SLC22A24: variants seen among roughly 807,000 people sequenced by gnomAD.
SLC22A24 encodes solute carrier family 22 member 24, also known as steroid transmembrane transporter SLC22A24.
A neutral mutation model predicts 49.8 loss-of-function variants in SLC22A24; 53 were observed. That is an observed-to-expected ratio of 1.06 (90% CI 0.85 to 1.34). SLC22A24 has a LOEUF of 1.34. Among genes scored for constraint, SLC22A24 ranks in the 40% most tolerant of loss-of-function variants. The probability of loss-of-function intolerance (pLI) is 0.00; values close to 1 mark genes in which losing one functional copy is unlikely to be tolerated. For synonymous variants in SLC22A24, 302 were observed against 256.4 expected, an observed-to-expected ratio of 1.18 and a Z score of -1.70; for missense variants, 786 against 675.9, an observed-to-expected ratio of 1.16 and a Z score of -1.81.
chr11:63,108,018 C>G (rs1178653218), intron 4 of SLC22A24, among the ~76,000 whole-genome samples: 1 of 152,052 alleles, frequency 6.6e-6, no homozygotes, highest in Non-Finnish European at 1.5e-5. Context: ...TGCCAGTTTT[C>G]AAAGGGAATG....
Position 63,086,306 on chromosome 11 carries a change from C to G in SLC22A24, c.1071-2849G>C, listed in dbSNP as rs147837195. 3.3e-5 allele frequency among the ~76,000 whole-genome samples: 5 copies of G among 152,246 alleles called. No individual in the cohort carries two copies. In the East Asian group the frequency reaches 9.7e-4, roughly 29 times the overall value. On this transcript the variant is annotated intron_variant, in intron 6 of 9. Transcript: ENST00000612278. Reference sequence around the variant, plus strand: ...AACCTAAATGCCCATCAATGGTAGACTGGATAAAGGAAATGTGGTACACAT... The same window carrying G: ...AACCTAAATGCCCATCAATGGTAGAGTGGATAAAGGAAATGTGGTACACAT...
chr11:63,083,543 C>T, intron 6 of SLC22A24, 86 bp from the exon 7 acceptor site: 1 of 1,119,428 alleles, frequency 8.9e-7, no homozygotes, highest in East Asian at 2.6e-5. Flanking sequence ...GTAAGTCCTA[C>T]AAATGATTAT....
chr11:63,092,350 C>G (rs2087025309), intron 6 of SLC22A24, among the ~76,000 whole-genome samples: 1 of 148,648 alleles, frequency 6.7e-6, no homozygotes, highest in African/African-American at 2.5e-5. Flanking sequence ...AGATTCAATG[C>G]TATTCCCATG....
At chr11:63,092,031 G>A (rs890215828) in intron 6 of SLC22A24, among the ~76,000 whole-genome samples, 3 of 152,132 alleles carry the variant, frequency 2.0e-5, no homozygotes, top group Non-Finnish European at 2.9e-5. Flanking sequence ...AACTCCTTAA[G>A]CTGATAAGCA....
At chr11:63,081,778 A>G in intron 7 of SLC22A24, 112 bp from the exon 8 acceptor site, 1 of 700,324 alleles carries the variant, frequency 1.4e-6, no homozygotes, top group Non-Finnish European at 2.6e-6. Context: ...TATGTGGTAG[A>G]CAAACTGCAA....
intron 4 of SLC22A24, among the ~76,000 whole-genome samples, chr11:63,107,467 A>C (rs1473212808): frequency 6.6e-6 from 1 of 152,194 alleles, no homozygotes; most frequent in African/African-American, 2.4e-5. Context: ...AATTGTGTGA[A>C]GAAAGTCATT....
rs186596691 is a variant in SLC22A24, at chr11:63,112,946, C to T, written c.830+5966G>A. On this transcript the variant is annotated intron_variant, in intron 4 of 9. Coordinates refer to ENST00000612278, the MANE Select transcript of SLC22A24 (RefSeq NM_001136506.2). Reference sequence around the variant, plus strand: ...AGGAGAATGGCGTGAACCCGGGAGCCGGAGCTTGTAGTGAGCCAAGTTTGT... The same window carrying T: ...AGGAGAATGGCGTGAACCCGGGAGCTGGAGCTTGTAGTGAGCCAAGTTTGT... 4.2e-3 allele frequency among the ~76,000 whole-genome samples: 577 copies of T among 137,342 alleles called. 6 individuals carry two copies. The highest frequency in any genetic ancestry group is 5.9e-3 in the Non-Finnish European group (390 of 65,650). 90.1% of individuals were successfully genotyped at this position (137,342 alleles called of 152,430 possible). A position where few individuals can be genotyped will look rare whatever the true frequency, so the allele number is the denominator to read the frequency against.
chr11:63,136,636 T>C (rs1385277196), intron 1 of SLC22A24, among the ~76,000 whole-genome samples: 1 of 152,234 alleles, frequency 6.6e-6, no homozygotes, highest in Non-Finnish European at 1.5e-5. Context: ...TATTCTTTCT[T>C]GATTGCAATT....
chr11:63,107,817 C>A (rs922675383), intron 4 of SLC22A24, among the ~76,000 whole-genome samples: 2 of 152,086 alleles, frequency 1.3e-5, no homozygotes, highest in African/African-American at 4.8e-5. Flanking sequence ...TGCTTATCAG[C>A]TTAAGGAGAT....
chr11:63,108,699 G>T (rs960723294), intron 4 of SLC22A24, among the ~76,000 whole-genome samples: 6 of 151,976 alleles, frequency 3.9e-5, no homozygotes, highest in African/African-American at 1.2e-4. Context: ...ATTTCTTTTA[G>T]ATTTTCTAGT....
At chr11:63,118,205 C>T (rs888810514) in intron 4 of SLC22A24, among the ~76,000 whole-genome samples, 2 of 120,594 alleles carry the variant, frequency 1.7e-5, no homozygotes, top group East Asian at 5.4e-4. Flanking sequence ...CCCTCTAGTA[C>T]CAAGAATGTT....
chr11:63,140,349 G>A (rs1393040647), intron 1 of SLC22A24, among the ~76,000 whole-genome samples: 2 of 151,944 alleles, frequency 1.3e-5, no homozygotes, highest in Non-Finnish European at 2.9e-5. Context: ...CAAAGTGCTG[G>A]GACTACAGGC....
intron 6 of SLC22A24, among the ~76,000 whole-genome samples, chr11:63,090,842 CT>C (rs761418133): frequency 7.1e-4 from 108 of 152,002 alleles, no homozygotes; most frequent in Middle Eastern, 3.4e-3. Flanking sequence ...AGATCTAAAA[CT>C]GACATTCTAA....
intron 2 of SLC22A24, among the ~76,000 whole-genome samples, chr11:63,124,126 T>C (rs1177233847): frequency 6.6e-6 from 1 of 152,140 alleles, no homozygotes; most frequent in Non-Finnish European, 1.5e-5. Context: ...GTATAAATGC[T>C]ACATGATGGG....
At chr11:63,102,329 G>T (rs1287998999) in intron 5 of SLC22A24, among the ~76,000 whole-genome samples, 1 of 152,008 alleles carries the variant, frequency 6.6e-6, no homozygotes, top group Non-Finnish European at 1.5e-5. Context: ...AAAGATAAAA[G>T]AGTCAGTGTA....
intron 5 of SLC22A24, among the ~76,000 whole-genome samples, chr11:63,098,668 A>C (rs900320493): frequency 2.0e-5 from 3 of 151,968 alleles, no homozygotes; most frequent in Admixed American, 2.0e-4. Context: ...ATCTCAAAAA[A>C]ACAAACAAGC....
chr11:63,129,209 C>G (rs2087315893), intron 2 of SLC22A24, among the ~76,000 whole-genome samples: 1 of 152,126 alleles, frequency 6.6e-6, no homozygotes, highest in Non-Finnish European at 1.5e-5. Context: ...GCCAGTTTTC[C>G]CAGCACCACT....
At chr11:63,082,402 C>A (rs2086965347) in intron 7 of SLC22A24, among the ~76,000 whole-genome samples, 1 of 152,176 alleles carries the variant, frequency 6.6e-6, no homozygotes. Flanking sequence ...GGAGAAGGCT[C>A]TCCTATAAGG....
At chr11:63,115,938 G>T in intron 4 of SLC22A24, 1 of 310,834 alleles carries the variant, frequency 3.2e-6, no homozygotes, top group South Asian at 8.2e-5. Context: ...AACTGAAGCT[G>T]GAGCTGCAGC....
Sources: gnomAD v4.1 joint callset for allele counts (sites outside exome capture counted in the v4.1 genomes callset) on GRCh38, gnomAD v4.1.1 for gene constraint, MANE v1.5 for transcripts, NCBI Gene and HGNC (gene_info 2026-07-23, HGNC 2026-07-21) for gene names.